The following ARSK variants were observed in gnomAD, a reference collection of about 807,000 sequenced individuals.
ARSK encodes arylsulfatase K.
A neutral mutation model predicts 53.2 loss-of-function variants in ARSK; 37 were observed. That is an observed-to-expected ratio of 0.70 (90% CI 0.54 to 0.92). The LOEUF is 0.92. Ranked by LOEUF, ARSK falls within the 40% of genes least tolerant of loss-of-function variation. The pLI, the probability that ARSK is intolerant of heterozygous loss-of-function variation, is 0.00. For synonymous variants in ARSK, 208 were observed against 223.2 expected (o/e 0.93, Z 0.61); for missense variants, 613 against 643.0 (o/e 0.95, Z 0.51).
intron 3 of ARSK, among the ~76,000 whole-genome samples, chr5:95,575,551 A>C (rs148599352): frequency 8.9e-4 from 136 of 152,286 alleles, no homozygotes; most frequent in African/African-American, 3.2e-3. Flanking sequence ...AATTGCTTTC[A>C]TCAATGTTTT....
intron 3 of ARSK, among the ~76,000 whole-genome samples, chr5:95,576,992 G>A (rs1012204186): frequency 4.6e-5 from 7 of 152,192 alleles, no homozygotes; most frequent in African/African-American, 9.7e-5. Context: ...TAGTGCTTAC[G>A]TTAGGTGCCC....
At chr5:95,584,475 C>T (rs1271653994) in intron 4 of ARSK, among the ~76,000 whole-genome samples, 1 of 152,092 alleles carries the variant, frequency 6.6e-6, no homozygotes, top group Non-Finnish European at 1.5e-5. Flanking sequence ...CATATCAAAC[C>T]ACATGATGCA....
chr5:95,587,119 C>T (rs1211676127), intron 5 of ARSK, among the ~76,000 whole-genome samples: 1 of 152,136 alleles, frequency 6.6e-6, no homozygotes, highest in Non-Finnish European at 1.5e-5. Flanking sequence ...AATCTTGTGA[C>T]TCCCCAAAAC....
intron 1 of ARSK, chr5:95,556,348 T>C (rs1046080821): frequency 3.1e-6 from 2 of 655,614 alleles, no homozygotes; most frequent in Admixed American, 4.7e-5. Context: ...TACAGAGTGC[T>C]CTTGTAATCA....
chr5:95,592,790 G>T (rs1172951546), intron 6 of ARSK, among the ~76,000 whole-genome samples: 1 of 151,994 alleles, frequency 6.6e-6, no homozygotes, highest in African/African-American at 2.4e-5. Context: ...CTTGTGATCC[G>T]CTTGCCTCGG....
intron 3 of ARSK, among the ~76,000 whole-genome samples, chr5:95,571,739 G>T (rs1270864766): frequency 1.3e-5 from 2 of 152,278 alleles, no homozygotes; most frequent in Admixed American, 6.5e-5. Context: ...ATTGAAATAA[G>T]CCACCAGGAG....
At chr5:95,585,487 G>A (rs770446336) in intron 4 of ARSK, among the ~76,000 whole-genome samples, 7 of 152,132 alleles carry the variant, frequency 4.6e-5, no homozygotes, top group Non-Finnish European at 1.0e-4. Flanking sequence ...CTACTCAGCC[G>A]TAAGAAAGGA....
intron 3 of ARSK, among the ~76,000 whole-genome samples, chr5:95,579,645 T>C (rs1362974644): frequency 1.3e-5 from 2 of 152,214 alleles, no homozygotes; most frequent in Admixed American, 1.3e-4. Flanking sequence ...ACTGGACCTC[T>C]GGTGGAAGTA....
At position 95,603,916 on chromosome 5, in the gene ARSK, A is replaced by G. The variant is rs528745943; in HGVS notation, c.*390A>G. 1 of 152,478 alleles carries G rather than the reference A, an allele frequency of 6.6e-6. No homozygotes were observed. Among genetic ancestry groups the G allele is most frequent in the East Asian group, 1.9e-4 (1 of 5,196 alleles). The allele number at this position is 152,478 out of a possible 1,614,324, so 9.4% of individuals were successfully genotyped here. On this transcript the variant is annotated 3_prime_UTR_variant, in exon 8 of 8. Transcript: ENST00000380009. Reference sequence around the variant, plus strand: ...GTGAGACTGTGTCGCAAAAAAATAAAAATAAAATAATAATAATTACCAATT... The same window carrying G: ...GTGAGACTGTGTCGCAAAAAAATAAGAATAAAATAATAATAATTACCAATT...
At chr5:95,580,971 A>C (rs1329606958) in intron 3 of ARSK, 1 of 1,235,620 alleles carries the variant, frequency 8.1e-7, no homozygotes, top group Middle Eastern at 2.4e-4. Flanking sequence ...TTTAACCATA[A>C]TCTTGTCTCT....
intron 5 of ARSK, 86 bp from the exon 6 acceptor site, chr5:95,591,315 A>G: frequency 8.9e-7 from 1 of 1,123,110 alleles, no homozygotes; most frequent in Non-Finnish European, 1.3e-6. Flanking sequence ...ACAAACTCTT[A>G]TAGGGTAGAG....
intron 5 of ARSK, among the ~76,000 whole-genome samples, chr5:95,588,622 C>CT (rs1164337545): frequency 1.3e-5 from 2 of 152,178 alleles, no homozygotes; most frequent in East Asian, 3.9e-4. Flanking sequence ...CTGTAAGGCA[C>CT]TATGTTGGGC....
intron 2 of ARSK, among the ~76,000 whole-genome samples, chr5:95,567,520 A>T (rs1748744627): frequency 6.6e-6 from 1 of 152,272 alleles, no homozygotes; most frequent in Non-Finnish European, 1.5e-5. Flanking sequence ...TGTTGGGGAA[A>T]TGAGATCTGT....
intron 1 of ARSK, among the ~76,000 whole-genome samples, chr5:95,560,019 T>C (rs1748600335): frequency 6.6e-6 from 1 of 152,186 alleles, no homozygotes; most frequent in South Asian, 2.1e-4. Context: ...AAATAAATTG[T>C]ATTTTATATA....
chr5:95,587,275 C>T (rs940158979), intron 5 of ARSK, among the ~76,000 whole-genome samples: 1 of 152,158 alleles, frequency 6.6e-6, no homozygotes, highest in East Asian at 1.9e-4. Flanking sequence ...ACTAAACCTG[C>T]CTTCATCACA....
intron 3 of ARSK, among the ~76,000 whole-genome samples, chr5:95,571,931 G>A (rs1182150916): frequency 1.3e-5 from 2 of 152,102 alleles, no homozygotes; most frequent in African/African-American, 4.8e-5. Flanking sequence ...ATAAATAGGG[G>A]CATTCAGTCT....
chr5:95,577,311 G>C (rs1485891053), intron 3 of ARSK, among the ~76,000 whole-genome samples: 1 of 152,098 alleles, frequency 6.6e-6, no homozygotes, highest in Non-Finnish European at 1.5e-5. Context: ...TCTCCTTTTG[G>C]ATATAAAATG....
rs1469076326 is a variant in ARSK at position 95,604,062 on chromosome 5, A to T, written c.*536A>T. On this transcript the variant is annotated 3_prime_UTR_variant, in exon 8 of 8. Transcript: ENST00000380009. ...GTACAATTTCTAACAATTTAGTGGA[A>T]GTATCAAAAGAATTGAAGCAAATAC... The T allele has an allele frequency of 6.6e-6, 1 of 152,208 alleles. No individual in the cohort carries two copies. Among genetic ancestry groups the T allele is most frequent in the African/African-American group, 2.4e-5 (1 of 41,456 alleles). The allele number at this position is 152,208 out of a possible 1,614,324, so 9.4% of individuals were successfully genotyped here.
chr5:95,576,606 C>T (rs1036867999), intron 3 of ARSK, among the ~76,000 whole-genome samples: 18 of 151,372 alleles, frequency 1.2e-4, no homozygotes, highest in African/African-American at 2.2e-4. Flanking sequence ...GGATTGGAAC[C>T]GGGCGCAGTA....
Sources: allele counts gnomAD v4.1 joint callset (sites outside exome capture counted in the v4.1 genomes callset), GRCh38; gene constraint gnomAD v4.1.1; transcripts MANE v1.5; gene names NCBI Gene and HGNC (gene_info 2026-07-23, HGNC 2026-07-21).